Variants in CSNK2A2 observed in about 807,000 individuals in gnomAD.
The protein encoded by CSNK2A2 is casein kinase 2 alpha 2.
In CSNK2A2, 8 loss-of-function variants were observed where a neutral mutation model predicts 54.0. That is an observed-to-expected ratio of 0.15 (90% CI 0.09 to 0.27). The LOEUF is 0.27. Among genes scored for constraint, CSNK2A2 ranks in the 10% least tolerant of loss-of-function variants. The pLI is 1.00. For synonymous variants in CSNK2A2, 141 were observed against 153.9 expected (o/e 0.92, Z 0.62); for missense variants, 242 against 439.4 (o/e 0.55, Z 4.02).
chr16:58,180,490 A>G (rs1962008066), intron 4 of CSNK2A2, among the ~76,000 whole-genome samples: 1 of 152,152 alleles, frequency 6.6e-6, no homozygotes, highest in South Asian at 2.1e-4. Flanking sequence ...AAGAAGAGAC[A>G]GAAAACCTGG....
chr16:58,167,870 C>T (rs1830853907), intron 6 of CSNK2A2, 75 bp from the exon 7 acceptor site: 18 of 1,066,932 alleles, frequency 1.7e-5, no homozygotes, highest in Non-Finnish European at 2.6e-5. Flanking sequence ...GGCCACATCA[C>T]ATTAGGTAAC....
intron 3 of CSNK2A2, 119 bp downstream of exon 3, chr16:58,186,636 T>C (rs976675666): frequency 3.0e-6 from 2 of 673,328 alleles, no homozygotes; most frequent in South Asian, 4.3e-5. Context: ...AACCAGTCAG[T>C]AGTTAAAGAC....
At chr16:58,166,872 G>A (rs1961577595) in intron 8 of CSNK2A2, among the ~76,000 whole-genome samples, 188 bp from the exon 9 acceptor site, 1 of 152,134 alleles carries the variant, frequency 6.6e-6, no homozygotes, top group African/African-American at 2.4e-5. Context: ...ATTTCCAAAC[G>A]GCCTTTAAAA....
At chr16:58,183,377 C>CA (rs397957932) in intron 4 of CSNK2A2, among the ~76,000 whole-genome samples, 9,696 of 124,202 alleles carry the variant, frequency 0.078, 393 homozygotes, top group South Asian at 0.22. Context: ...AACTCGATCT[C>CA]AAAAAAAAAA....
intron 2 of CSNK2A2, among the ~76,000 whole-genome samples, chr16:58,188,730 T>A (rs559648082): frequency 1.3e-5 from 2 of 152,312 alleles, no homozygotes; most frequent in African/African-American, 4.8e-5. Flanking sequence ...TATTTAGGGA[T>A]GACTACGATT....
chr16:58,167,424 T>C (rs1961598059), intron 7 of CSNK2A2, 116 bp from the exon 8 acceptor site: 1 of 715,556 alleles, frequency 1.4e-6, no homozygotes, highest in Non-Finnish European at 2.2e-6. Flanking sequence ...ATAGATAATT[T>C]ATTTAAAAAA....
intron 11 of CSNK2A2, among the ~76,000 whole-genome samples, chr16:58,158,640 C>T (rs193202675): frequency 7.4e-4 from 113 of 152,310 alleles, no homozygotes; most frequent in African/African-American, 2.7e-3. Flanking sequence ...CTACCCCATC[C>T]CTCGGGTCCA....
At chr16:58,166,997 A>C (rs1961582478) in intron 8 of CSNK2A2, among the ~76,000 whole-genome samples, 1 of 152,212 alleles carries the variant, frequency 6.6e-6, no homozygotes, top group African/African-American at 2.4e-5. Flanking sequence ...TCACAGATTC[A>C]CTTTGGAAGT....
chr16:58,175,658 G>T (rs1961858181), intron 4 of CSNK2A2, among the ~76,000 whole-genome samples: 5 of 152,060 alleles, frequency 3.3e-5, no homozygotes, highest in Admixed American at 3.3e-4. Flanking sequence ...TTATATTTTT[G>T]ATCCACATAT....
chr16:58,172,222 AG>A (rs1961765219), intron 5 of CSNK2A2, among the ~76,000 whole-genome samples: 1 of 150,578 alleles, frequency 6.6e-6, no homozygotes. Flanking sequence ...TCTGGGTGAG[AG>A]TTTTACATAC....
intron 2 of CSNK2A2, among the ~76,000 whole-genome samples, chr16:58,193,609 G>C (rs1205213940): frequency 6.7e-6 from 1 of 149,958 alleles, no homozygotes; most frequent in Non-Finnish European, 1.5e-5. Flanking sequence ...ACCCCAAGAA[G>C]TACTGAAATC....
chr16:58,169,358 G>A (rs1397793285), intron 5 of CSNK2A2, among the ~76,000 whole-genome samples: 1 of 152,008 alleles, frequency 6.6e-6, no homozygotes, highest in East Asian at 2.0e-4. Context: ...TGGGCAACAC[G>A]GCTATACTAA....
chr16:58,187,267 T>C (rs1162366093), intron 2 of CSNK2A2, among the ~76,000 whole-genome samples: 1 of 151,990 alleles, frequency 6.6e-6, no homozygotes, highest in Non-Finnish European at 1.5e-5. Flanking sequence ...TCCAATGAGT[T>C]ACATGTAATT....
In CSNK2A2 at chr16:58,170,487, G is replaced by A. The variant is rs150190663; in HGVS notation, c.430-1794C>T. Among the ~76,000 whole-genome samples, 412 of 152,114 alleles carry A rather than the reference G, an allele frequency of 2.7e-3. 6 individuals carry two copies. Among genetic ancestry groups the A allele is most frequent in the African/African-American group, 9.5e-3 (393 of 41,498 alleles). On this transcript the variant is annotated intron_variant, in intron 5 of 11. Coordinates refer to ENST00000262506, the MANE Select transcript of CSNK2A2 (RefSeq NM_001896.4). ...CCACTCATGCTTTCATTTCCCTTGG[G>A]TAGATTCCTAGGGGTGGAAGTGCTG...
intron 4 of CSNK2A2, among the ~76,000 whole-genome samples, chr16:58,181,924 A>C (rs1962053149): frequency 6.6e-6 from 1 of 152,232 alleles, no homozygotes; most frequent in Admixed American, 6.5e-5. Flanking sequence ...CCGTCACATA[A>C]GATGAAACTA....
At chr16:58,189,419 T>G (rs534864283) in intron 2 of CSNK2A2, among the ~76,000 whole-genome samples, 1 of 152,254 alleles carries the variant, frequency 6.6e-6, no homozygotes, top group Admixed American at 6.5e-5. Flanking sequence ...GAGGCCTATA[T>G]CCACCAAAAA....
intron 5 of CSNK2A2, among the ~76,000 whole-genome samples, chr16:58,171,979 A>ATATATATATATTT (rs1261137669): frequency 3.0e-5 from 2 of 66,186 alleles, no homozygotes; most frequent in South Asian, 6.5e-4. Context: ...ATATATATAT[A>ATATATATATATTT]TTTTTTTTTT....
intron 2 of CSNK2A2, among the ~76,000 whole-genome samples, chr16:58,187,595 T>C (rs1962222617): frequency 1.3e-5 from 2 of 152,102 alleles, no homozygotes; most frequent in South Asian, 4.1e-4. Flanking sequence ...AGTTAAAGAG[T>C]TTGAAGAAGA....
chr16:58,159,204 A>G (rs1381683629), intron 11 of CSNK2A2: 1 of 152,294 alleles, frequency 6.6e-6, no homozygotes, highest in Non-Finnish European at 1.5e-5. Flanking sequence ...AGAAGAAAGC[A>G]CACTAATTAA....
Sources: gnomAD v4.1 joint callset for allele counts (sites outside exome capture counted in the v4.1 genomes callset) on GRCh38, gnomAD v4.1.1 for gene constraint, MANE v1.5 for transcripts, NCBI Gene and HGNC (gene_info 2026-07-23, HGNC 2026-07-21) for gene names.